Variants in MEOX2 observed in about 807,000 individuals in gnomAD.
MEOX2 encodes the protein mesenchyme homeobox 2, also known as homeobox protein MOX-2.
Under a neutral mutation model 27.0 loss-of-function variants are expected in MEOX2, and 11 were observed. That is an observed-to-expected ratio of 0.41 (90% CI 0.26 to 0.68). MEOX2 has a LOEUF of 0.68. Among genes scored for constraint, MEOX2 ranks in the 30% least tolerant of loss-of-function variants. The pLI, the probability that MEOX2 is intolerant of heterozygous loss-of-function variation, is 0.33. For missense variants in MEOX2, 436 were observed against 385.4 expected (o/e 1.13, Z -1.10); for synonymous variants, 189 against 155.4 (o/e 1.22, Z -1.61).
intron 1 of MEOX2, among the ~76,000 whole-genome samples, chr7:15,662,799 C>T (rs897477441): frequency 6.6e-6 from 1 of 152,068 alleles, no homozygotes; most frequent in African/African-American, 2.4e-5. Flanking sequence ...AATGAAACCA[C>T]TCCAAAAGAT....
At chr7:15,656,205 T>C (rs1202006209) in intron 1 of MEOX2, among the ~76,000 whole-genome samples, 1 of 151,830 alleles carries the variant, frequency 6.6e-6, no homozygotes, top group Non-Finnish European at 1.5e-5. Context: ...AATCCTTTTT[T>C]ATTTTAATTT....
chr7:15,684,543 A>G (rs1319162285), intron 1 of MEOX2, among the ~76,000 whole-genome samples: 1 of 152,314 alleles, frequency 6.6e-6, no homozygotes, highest in Non-Finnish European at 1.5e-5. Context: ...AGAAGAATCC[A>G]TCCTATAGTA....
intron 1 of MEOX2, among the ~76,000 whole-genome samples, chr7:15,658,975 C>T (rs560666733): frequency 6.6e-6 from 1 of 152,208 alleles, no homozygotes; most frequent in East Asian, 1.9e-4. Context: ...TCCTTATGTT[C>T]GTTTTACATA....
In MEOX2 at chr7:15,686,316, G is replaced by C. The variant is rs1347571847; in HGVS notation, c.87C>G (p.Leu29=). 6.2e-7 allele frequency: 1 copy of C among 1,607,374 alleles called. No individual in the cohort carries two copies. Among genetic ancestry groups the C allele is most frequent in the Non-Finnish European group, 8.5e-7 (1 of 1,176,616 alleles). The change falls in exon 1 of 3, where the codon CTC becomes CTG. Residue 29 remains leucine (L), a synonymous_variant. Transcript: ENST00000262041. The part of the protein sequence containing the change: ...LHPFSQSSLA[L]HGRSDHMSYP... ...AAGACATATGGTCAGATCTTCCATG[G>C]AGGGCGAGAGAGGATTGGGAGAACG...
At chr7:15,614,114 C>G (rs1178257398) in intron 2 of MEOX2, among the ~76,000 whole-genome samples, 2 of 150,880 alleles carry the variant, frequency 1.3e-5, no homozygotes, top group African/African-American at 4.9e-5. Flanking sequence ...TTTTCTGAAG[C>G]CAGTAAGATA....
chr7:15,652,606 A>C (rs1352592767), intron 1 of MEOX2, among the ~76,000 whole-genome samples: 1 of 152,080 alleles, frequency 6.6e-6, no homozygotes, highest in African/African-American at 2.4e-5. Flanking sequence ...TATCTTTTTA[A>C]TTAGGTTAAT....
chr7:15,642,082 A>G (rs1159969980), intron 1 of MEOX2, among the ~76,000 whole-genome samples: 1 of 152,094 alleles, frequency 6.6e-6, no homozygotes, highest in Non-Finnish European at 1.5e-5. Flanking sequence ...TGAAGACTAT[A>G]TGCCTTGTTG....
At chr7:15,628,064 C>T (rs1781343392) in intron 1 of MEOX2, among the ~76,000 whole-genome samples, 3 of 151,800 alleles carry the variant, frequency 2.0e-5, no homozygotes, top group Admixed American at 6.6e-5. Context: ...TGATCATTAA[C>T]CAAAGGTTTC....
chr7:15,668,375 T>C (rs1411813307), intron 1 of MEOX2: 1 of 152,254 alleles, frequency 6.6e-6, no homozygotes, highest in African/African-American at 2.4e-5. Context: ...AAGAATACAG[T>C]ATATAATACA....
At chr7:15,638,927 G>T (rs1257099504) in intron 1 of MEOX2, among the ~76,000 whole-genome samples, 1 of 152,058 alleles carries the variant, frequency 6.6e-6, no homozygotes, top group Non-Finnish European at 1.5e-5. Flanking sequence ...ATTGTGAATA[G>T]TGCTGTGATA....
intron 1 of MEOX2, among the ~76,000 whole-genome samples, chr7:15,673,013 T>G (rs1186818464): frequency 1.3e-5 from 2 of 152,208 alleles, no homozygotes; most frequent in African/African-American, 2.4e-5. Flanking sequence ...CCAAGCATCT[T>G]CGAAATTTGC....
chr7:15,626,960 T>A, intron 1 of MEOX2, 42 bp from the exon 2 acceptor site: 1 of 1,556,838 alleles, frequency 6.4e-7, no homozygotes. Flanking sequence ...ACTCATTTAT[T>A]CAAACACATG....
chr7:15,675,417 C>A (rs1782176598), intron 1 of MEOX2, among the ~76,000 whole-genome samples: 1 of 152,164 alleles, frequency 6.6e-6, no homozygotes, highest in African/African-American at 2.4e-5. Context: ...ATTTTGTTCA[C>A]TTAAAAGCAG....
chr7:15,625,747 C>T (rs188421278), intron 2 of MEOX2, among the ~76,000 whole-genome samples: 6 of 151,958 alleles, frequency 3.9e-5, no homozygotes, highest in Admixed American at 2.0e-4. Context: ...AACTGTTAAC[C>T]GGCAGTAGGC....
intron 1 of MEOX2, among the ~76,000 whole-genome samples, chr7:15,670,561 T>C (rs1583786257): frequency 6.6e-6 from 1 of 152,340 alleles, no homozygotes; most frequent in South Asian, 2.1e-4. Context: ...GCCTGATACA[T>C]TCACTAGTAG....
At chr7:15,662,363 G>A (rs1285403876) in intron 1 of MEOX2, among the ~76,000 whole-genome samples, 2 of 151,872 alleles carry the variant, frequency 1.3e-5, no homozygotes, top group Non-Finnish European at 2.9e-5. Flanking sequence ...TAAGTAGATA[G>A]GGAAGGAAAG....
intron 1 of MEOX2, among the ~76,000 whole-genome samples, chr7:15,632,344 T>G (rs1477924759): frequency 6.6e-6 from 1 of 151,868 alleles, no homozygotes; most frequent in Admixed American, 6.6e-5. Flanking sequence ...TACAGCCTGT[T>G]TAGTGAAGAC....
intron 1 of MEOX2, among the ~76,000 whole-genome samples, chr7:15,628,403 C>A (rs1403202753): frequency 1.3e-5 from 2 of 152,092 alleles, no homozygotes; most frequent in Non-Finnish European, 2.9e-5. Flanking sequence ...GCCTCAACAC[C>A]TTGGCACACT....
At chr7:15,685,353 T>TAAAA (rs113917849) in intron 1 of MEOX2, among the ~76,000 whole-genome samples, 1 of 147,030 alleles carries the variant, frequency 6.8e-6, no homozygotes, top group Non-Finnish European at 1.5e-5. Flanking sequence ...ATAAGAATGT[T>TAAAA]AAAAAAAAAA....
Sources: allele counts gnomAD v4.1 joint callset (sites outside exome capture counted in the v4.1 genomes callset), GRCh38; gene constraint gnomAD v4.1.1; transcripts MANE v1.5; gene names NCBI Gene and HGNC (gene_info 2026-07-23, HGNC 2026-07-21).